Variants in NUP93 observed in about 807,000 individuals in gnomAD.
The protein encoded by NUP93 is nuclear pore complex protein Nup93.
A neutral mutation model predicts 107.8 loss-of-function variants in NUP93; 55 were observed. The ratio of observed to expected loss-of-function variants is 0.51; its 90% CI spans 0.41 to 0.64. The LOEUF is 0.64. NUP93 is among the 30% of genes least tolerant of loss of function. NUP93 has a pLI of 0.00. For synonymous variants in NUP93, 390 were observed against 397.5 expected, an observed-to-expected ratio of 0.98 and a Z score of 0.22; for missense variants, 937 against 1,044.7, an observed-to-expected ratio of 0.90 and a Z score of 1.42.
chr16:56,774,092 A>G (rs1209004606), intron 3 of NUP93, among the ~76,000 whole-genome samples: 2 of 152,206 alleles, frequency 1.3e-5, no homozygotes, highest in Non-Finnish European at 2.9e-5. Flanking sequence ...GTCAGAGCCC[A>G]GAGGAGAATA....
intron 17 of NUP93, among the ~76,000 whole-genome samples, chr16:56,837,152 A>G (rs1484346947): frequency 6.6e-6 from 1 of 152,252 alleles, no homozygotes; most frequent in Non-Finnish European, 1.5e-5. Context: ...AGAGGACTAG[A>G]ATACATGTTT....
At chr16:56,836,370 T>A (rs1166875040) in intron 16 of NUP93, among the ~76,000 whole-genome samples, 1 of 152,224 alleles carries the variant, frequency 6.6e-6, no homozygotes, top group Admixed American at 6.5e-5. Flanking sequence ...TCCTCTGTGC[T>A]TCTAGTAAGT....
chr16:56,816,472 C>T (rs1698114396), intron 5 of NUP93, among the ~76,000 whole-genome samples: 3 of 152,188 alleles, frequency 2.0e-5, no homozygotes, highest in South Asian at 2.1e-4. Context: ...TGTCCTGGTA[C>T]ACTACCTTCT....
chr16:56,780,350 C>T (rs1480081892), intron 3 of NUP93, among the ~76,000 whole-genome samples: 1 of 152,168 alleles, frequency 6.6e-6, no homozygotes, highest in African/African-American at 2.4e-5. Context: ...CCAAATTATG[C>T]ATTTGGTGTT....
At chr16:56,815,905 C>CTGCTGCTGCTGG (rs1422582839) in intron 5 of NUP93, among the ~76,000 whole-genome samples, 1 of 125,220 alleles carries the variant, frequency 8.0e-6, no homozygotes. Context: ...GCTGGTGCTG[C>CTGCTGCTGCTGG]TGCTGCTGCT....
At chr16:56,793,826 G>A (rs979810401) in intron 3 of NUP93, among the ~76,000 whole-genome samples, 2 of 152,014 alleles carry the variant, frequency 1.3e-5, no homozygotes, top group African/African-American at 4.8e-5. Flanking sequence ...AGGCTGAGGC[G>A]GGCAGATCAC....
Position 56,830,109 on chromosome 16 carries a change from A to G in NUP93, c.928-419A>G, listed in dbSNP as rs903047012. On this transcript the variant is annotated intron_variant, in intron 9 of 21. Transcript: ENST00000308159. ...ATGACGTTTTATAAACTTGAGTGCT[A>G]TAAGGATAGTCTCTTACTGGTCAGT... is the stretch of plus-strand genomic sequence containing the variant. Among the ~76,000 whole-genome samples, 4 of 152,214 alleles carry G rather than the reference A, an allele frequency of 2.6e-5. No individual in the cohort carries two copies. The East Asian group carries it at 5.8e-4, about 22-fold the overall frequency.
chr16:56,756,827 T>C (rs1466003958), intron 2 of NUP93, among the ~76,000 whole-genome samples: 1 of 152,218 alleles, frequency 6.6e-6, no homozygotes, highest in Non-Finnish European at 1.5e-5. Context: ...TTTTTAATAA[T>C]CGCCATTCTG....
intron 1 of NUP93, among the ~76,000 whole-genome samples, chr16:56,741,515 C>T (rs1350172457): frequency 2.6e-5 from 4 of 152,146 alleles, no homozygotes; most frequent in Non-Finnish European, 4.4e-5. Context: ...TCACCCATTC[C>T]GTCTAAAATA....
chr16:56,837,544 A>T (rs954670840), intron 17 of NUP93, 64 bp from the exon 18 acceptor site: 3 of 1,300,428 alleles, frequency 2.3e-6, no homozygotes, highest in Non-Finnish European at 2.2e-6. Flanking sequence ...AGGGGGCATT[A>T]TATAGTTGTT....
intron 1 of NUP93, 87 bp from the exon 2 acceptor site, chr16:56,748,147 G>T: frequency 1.1e-6 from 1 of 933,170 alleles, no homozygotes; most frequent in Admixed American, 2.4e-5. Flanking sequence ...AAGTTCTGCT[G>T]TTTTGTTAAG....
chr16:56,825,938 T>C (rs1196873940), intron 8 of NUP93, among the ~76,000 whole-genome samples: 2 of 152,224 alleles, frequency 1.3e-5, no homozygotes, highest in African/African-American at 4.8e-5. Context: ...GTTCAAGTGA[T>C]GTAATGCACC....
chr16:56,810,201 A>G (rs951761397), intron 5 of NUP93, among the ~76,000 whole-genome samples: 1 of 152,220 alleles, frequency 6.6e-6, no homozygotes, highest in African/African-American at 2.4e-5. Flanking sequence ...AAATGTTGGC[A>G]AGTGATGTAT....
intron 5 of NUP93, among the ~76,000 whole-genome samples, chr16:56,808,164 TATATAACTATATAAAA>T (rs1963196598): frequency 7.7e-6 from 1 of 129,612 alleles, no homozygotes; most frequent in Admixed American, 8.0e-5. Context: ...AATATATAGT[TATATAACTATATAAAA>T]TATATAGTTA....
intron 2 of NUP93, among the ~76,000 whole-genome samples, chr16:56,753,026 T>C (rs1432498299): frequency 2.0e-5 from 3 of 152,176 alleles, no homozygotes; most frequent in African/African-American, 7.2e-5. Flanking sequence ...GGATAATAAC[T>C]GCATTGGATT....
intron 3 of NUP93, among the ~76,000 whole-genome samples, chr16:56,762,199 C>T (rs1009475380): frequency 2.0e-5 from 3 of 152,144 alleles, no homozygotes; most frequent in Admixed American, 6.5e-5. Flanking sequence ...GCATATTGCA[C>T]ATCTTTACTG....
intron 21 of NUP93, chr16:56,842,786 C>G (rs1964052076): frequency 3.0e-6 from 1 of 335,474 alleles, no homozygotes; most frequent in Non-Finnish European, 5.9e-6. Context: ...CTCCTGAGCT[C>G]AAGAGATCCC....
intron 3 of NUP93, among the ~76,000 whole-genome samples, chr16:56,786,391 C>G (rs574934912): frequency 6.6e-6 from 1 of 152,224 alleles, no homozygotes; most frequent in Non-Finnish European, 1.5e-5. Flanking sequence ...GACCACCTGA[C>G]TCCTAATCTG....
chr16:56,748,431 G>C lies in NUP93; in HGVS notation c.179+5G>C. 1 of 1,609,552 alleles carries C rather than the reference G, an allele frequency of 6.2e-7. No homozygotes were observed. The highest frequency in any genetic ancestry group is 8.5e-7 in the Non-Finnish European group (1 of 1,177,010). On this transcript the variant is annotated splice_donor_5th_base_variant and intron_variant, in intron 2 of 21. Coordinates refer to ENST00000308159, the MANE Select transcript of NUP93 (RefSeq NM_014669.5). The stretch of plus-strand genomic sequence containing the variant: ...GGAGACGGCAGATGTCAAGGCGTGA[G>C]TACTGGTAGGGAGACAGCATTAGTA...
Sources: allele counts gnomAD v4.1 joint callset (sites outside exome capture counted in the v4.1 genomes callset), GRCh38; gene constraint gnomAD v4.1.1; transcripts MANE v1.5; gene names NCBI Gene and HGNC (gene_info 2026-07-23, HGNC 2026-07-21).